KDM6A: variants seen among roughly 807,000 people sequenced by gnomAD.
The protein encoded by KDM6A is lysine demethylase 6A.
A neutral mutation model predicts 117.6 loss-of-function variants in KDM6A; 11 were observed. The observed-to-expected ratio is 0.09, with a 90% CI of 0.06 to 0.15. The LOEUF is 0.15. Ranked by LOEUF, KDM6A falls within the 10% of genes least tolerant of loss-of-function variation. The probability of loss-of-function intolerance (pLI) is 1.00; values close to 1 mark genes in which losing one functional copy is unlikely to be tolerated. For missense variants in KDM6A, 799 were observed against 1,077.3 expected, an observed-to-expected ratio of 0.74 and a Z score of 3.62; for synonymous variants, 384 against 396.1, an observed-to-expected ratio of 0.97 and a Z score of 0.36.
rs78749806 is a variant in KDM6A, at chrX:45,047,674, C to CTTTTTT, written c.655-4011_655-4006dup. Among the ~76,000 whole-genome samples the CTTTTTT allele has an allele frequency of 1.5e-3, 54 of 36,350 alleles. 16 individuals are homozygous for CTTTTTT. Among genetic ancestry groups the CTTTTTT allele is most frequent in the South Asian group, 4.0e-3 (2 of 506 alleles). The allele number at this position is 36,350 out of a possible 115,157, so 31.6% of individuals were successfully genotyped here. On this transcript the variant is annotated intron_variant, in intron 8 of 29. Transcript: ENST00000611820. ...TCAAATATCTGCTTGCTTTTTTTTT[C>CTTTTTT]TTTTTTTTTTTTTTTTTTTTTTTTT... is the stretch of plus-strand genomic sequence containing the variant.
chrX:45,098,684 C>A (rs1233003781), intron 27 of KDM6A, among the ~76,000 whole-genome samples: 2 of 111,968 alleles, frequency 1.8e-5, no homozygotes, highest in African/African-American at 6.5e-5. Flanking sequence ...ACATTTGTAG[C>A]CCTCAGCTGG....
intron 2 of KDM6A, among the ~76,000 whole-genome samples, chrX:44,925,895 G>A (rs2036277299): frequency 8.9e-6 from 1 of 111,843 alleles, no homozygotes; most frequent in Non-Finnish European, 1.9e-5. Flanking sequence ...TCAGAGTAAC[G>A]AAAATTAAAT....
chrX:45,004,088 T>G, intron 4 of KDM6A, among the ~76,000 whole-genome samples: 1 of 110,905 alleles, frequency 9.0e-6, no homozygotes, highest in Middle Eastern at 4.2e-3. Context: ...CGGAAGGGCT[T>G]CTTTTGTCCT....
intron 3 of KDM6A, among the ~76,000 whole-genome samples, chrX:44,970,188 C>CGA: frequency 9.0e-6 from 1 of 111,427 alleles, no homozygotes; most frequent in East Asian, 2.8e-4. Flanking sequence ...AATGTGTAAA[C>CGA]GAGTAGAAAG....
intron 25 of KDM6A, among the ~76,000 whole-genome samples, chrX:45,088,304 T>C (rs2045734117): frequency 8.9e-6 from 1 of 112,757 alleles, no homozygotes; most frequent in Non-Finnish European, 1.9e-5. Context: ...CTTGCATTTT[T>C]CAAGAGAGAA....
At chrX:44,949,229 CA>C (rs202026871) in intron 2 of KDM6A, among the ~76,000 whole-genome samples, 1 of 109,664 alleles carries the variant, frequency 9.1e-6, no homozygotes, top group Non-Finnish European at 1.9e-5. Context: ...CTTGTCTCTA[CA>C]AAAAAAATAC....
chrX:44,992,206 C>CTTTTT lies in KDM6A; in HGVS notation c.384+17522_384+17526dup, dbSNP rs779979560. On this transcript the variant is annotated intron_variant, in intron 4 of 29. Coordinates refer to ENST00000611820, the MANE Select transcript of KDM6A (RefSeq NM_001291415.2). ...CGAAATTTAGCAATACTGTCTTCTT[C>CTTTTT]TTTTTTTTTTTTTTTTTTTTTTTTT... Among the ~76,000 whole-genome samples the CTTTTT allele has an allele frequency of 3.6e-3, 115 of 32,058 alleles. 7 individuals carry two copies. Among genetic ancestry groups the CTTTTT allele is most frequent in the Non-Finnish European group, 5.3e-3 (91 of 17,124 alleles). 27.8% of individuals were successfully genotyped at this position (32,058 alleles called of 115,157 possible).
At chrX:44,892,738 T>C (rs1474709707) in intron 2 of KDM6A, among the ~76,000 whole-genome samples, 5 of 108,409 alleles carry the variant, frequency 4.6e-5, no homozygotes, top group Non-Finnish European at 3.8e-5. Context: ...GCATGGTGGC[T>C]CATGCCTGTA....
At chrX:44,947,739 G>C (rs2147083302) in intron 2 of KDM6A, among the ~76,000 whole-genome samples, 1 of 111,481 alleles carries the variant, frequency 9.0e-6, no homozygotes, top group East Asian at 2.8e-4. Flanking sequence ...TGTCCTTCAA[G>C]AACAGTTTTA....
chrX:44,874,655 G>T lies in KDM6A; in HGVS notation c.225+668G>T, dbSNP rs763152274. Among the ~76,000 whole-genome samples, 8 of 110,808 alleles carry T rather than the reference G, an allele frequency of 7.2e-5. No homozygotes were observed. The South Asian group carries it at 2.3e-3, about 32-fold the overall frequency. ...ATTTCCTGTGTGTCTGACAGGGGAG[G>T]CTGGGGAGGATTCGGGGTGTAGTCT... On this transcript the variant is annotated intron_variant, in intron 2 of 29. Coordinates refer to ENST00000611820, the MANE Select transcript of KDM6A (RefSeq NM_001291415.2).
chrX:44,960,128 A>C (rs1300655320), intron 2 of KDM6A, among the ~76,000 whole-genome samples: 1 of 111,878 alleles, frequency 8.9e-6, no homozygotes, highest in Non-Finnish European at 1.9e-5. Flanking sequence ...GTCCCACATC[A>C]CATTTTCTTA....
At chrX:45,002,531 C>T (rs188303352) in intron 4 of KDM6A, among the ~76,000 whole-genome samples, 1 of 112,019 alleles carries the variant, frequency 8.9e-6, no homozygotes, top group East Asian at 2.8e-4. Context: ...TTTCTTTAAC[C>T]TTTTAATGTA....
chrX:44,944,878 T>A (rs983976335), intron 2 of KDM6A, among the ~76,000 whole-genome samples: 1 of 111,652 alleles, frequency 9.0e-6, no homozygotes, highest in Non-Finnish European at 1.9e-5. Context: ...AAATGTCTTA[T>A]AATTACCCAT....
chrX:45,047,550 A>G (rs1395072745), intron 8 of KDM6A, among the ~76,000 whole-genome samples: 3 of 96,046 alleles, frequency 3.1e-5, no homozygotes, highest in African/African-American at 1.1e-4. Context: ...TCAGATTAAC[A>G]TTTTTTCAAT....
Position 45,069,883 on chromosome X carries a change from G to A in KDM6A, c.2384G>A (p.Ser795Asn), listed in dbSNP as rs1602865406. Reference protein sequence around the residue: ...HTGETPNSTASVEGLPNHVHQ... With the variant: ...HTGETPNSTANVEGLPNHVHQ... ...GGAGAGACACCTAACAGCACTGCCAGTGTCGAGGGACTTCCTAATCATGTC... is the reference window on the plus strand; with the variant it reads ...GGAGAGACACCTAACAGCACTGCCAATGTCGAGGGACTTCCTAATCATGTC... The change falls in exon 18 of 30, where the codon AGT (serine) becomes AAT (asparagine). Residue 795 changes from serine (S) to asparagine (N), a missense_variant. Around this residue, in one of 8 missense-constraint regions of KDM6A, gnomAD observed 301 missense variants for 318.3 expected, o/e 0.95. Transcript: ENST00000611820. 8.3e-7 allele frequency: 1 copy of A among 1,211,497 alleles called. No homozygotes were observed. Among genetic ancestry groups the A allele is most frequent in the African/African-American group, 1.7e-5 (1 of 57,817 alleles).
At position 44,923,575 on chromosome X, in the gene KDM6A, C is replaced by T. The variant is rs137989299; in HGVS notation, c.226-37709C>T. 5.5e-3 allele frequency among the ~76,000 whole-genome samples: 431 copies of T among 78,359 alleles called. 4 individuals are homozygous for T. The highest frequency in any genetic ancestry group is 0.02 in the African/African-American group (412 of 20,168). The allele number at this position is 78,359 out of a possible 115,157, so 68.0% of individuals were successfully genotyped here. On this transcript the variant is annotated intron_variant, in intron 2 of 29. Transcript: ENST00000611820. ...TTTTTTTTTTTTTGAGACAGAGTCT[C>T]GCTCTGTCGTCCAGGCTACAGTGCA...
At position 44,955,211 on chromosome X, in the gene KDM6A, T is replaced by C. The variant is rs141181480; in HGVS notation, c.226-6073T>C. 1.0e-3 allele frequency among the ~76,000 whole-genome samples: 115 copies of C among 111,561 alleles called. 1 individual carries two copies. The East Asian group carries it at 0.029, about 28-fold the overall frequency. ...CTCTTGTGTAAACAGAAGTTTATAG[T>C]GCACAAAAGTGACTCTTGGGAAAGT... On this transcript the variant is annotated intron_variant, in intron 2 of 29. Transcript: ENST00000611820.
intron 2 of KDM6A, among the ~76,000 whole-genome samples, chrX:44,924,942 G>A (rs1316625094): frequency 9.0e-6 from 1 of 111,253 alleles, no homozygotes; most frequent in East Asian, 2.8e-4. Context: ...TCCTGCCTTG[G>A]CCTCCCAAAG....
In KDM6A at chrX:45,111,616, T is replaced by C; in HGVS notation, c.*205T>C. ...CTCTCACAAAGCTGATGAGCTGTAC[T>C]TCAGAAAAAAATAATAATTTCCATG... On this transcript the variant is annotated 3_prime_UTR_variant, in exon 30 of 30. Transcript: ENST00000611820. 1 of 398,589 alleles carries C rather than the reference T, an allele frequency of 2.5e-6. No individual in the cohort carries two copies. The highest frequency in any genetic ancestry group is 3.8e-5 in the East Asian group (1 of 26,109). 32.8% of individuals were successfully genotyped at this position (398,589 alleles called of 1,213,427 possible).
Sources: allele counts gnomAD v4.1 joint callset (sites outside exome capture counted in the v4.1 genomes callset), GRCh38; gene constraint gnomAD v4.1.1; regional missense constraint gnomAD v4.1.1; transcripts MANE v1.5; gene names NCBI Gene and HGNC (gene_info 2026-07-23, HGNC 2026-07-21).